The following SLC35F4 variants were observed in gnomAD, a reference collection of about 807,000 sequenced individuals.
The protein encoded by SLC35F4 is solute carrier family 35 member F4.
In SLC35F4, 24 loss-of-function variants were observed where a neutral mutation model predicts 44.2. The ratio of observed to expected loss-of-function variants is 0.54; its 90% confidence interval spans 0.39 to 0.76. The LOEUF is 0.76. Ranked by LOEUF, SLC35F4 falls within the 30% of genes least tolerant of loss-of-function variation. The pLI is 0.00. For missense variants in SLC35F4, 562 were observed against 586.1 expected (o/e 0.96, Z 0.42); for synonymous variants, 238 against 223.6 (o/e 1.06, Z -0.57).
At chr14:57,671,432 C>T (rs1006096327) in intron 1 of SLC35F4, among the ~76,000 whole-genome samples, 2 of 151,854 alleles carry the variant, frequency 1.3e-5, no homozygotes, top group Non-Finnish European at 1.5e-5. Flanking sequence ...GTTGTGAGGC[C>T]CCTGTTTCAG....
At chr14:57,630,721 G>A (rs1157280415) in intron 1 of SLC35F4, 3 of 540,826 alleles carry the variant, frequency 5.5e-6, no homozygotes, top group Non-Finnish European at 1.0e-5. Context: ...TTAGGCGTGT[G>A]TCATTCACTT....
At chr14:57,795,986 G>C (rs910320227) in intron 1 of SLC35F4, among the ~76,000 whole-genome samples, 1 of 152,016 alleles carries the variant, frequency 6.6e-6, no homozygotes, top group Non-Finnish European at 1.5e-5. Context: ...AGTGTCACTT[G>C]TTTCCTTGTG....
intron 1 of SLC35F4, among the ~76,000 whole-genome samples, chr14:57,880,371 T>C (rs956302896): frequency 2.4e-4 from 36 of 152,230 alleles, no homozygotes; most frequent in African/African-American, 8.4e-4. Context: ...CATATTCCAG[T>C]GGTCCCCTGG....
intron 2 of SLC35F4, among the ~76,000 whole-genome samples, chr14:57,592,442 G>A (rs2070250842): frequency 6.6e-6 from 1 of 152,180 alleles, no homozygotes; most frequent in East Asian, 1.9e-4. Flanking sequence ...CACAGAAAGA[G>A]TAACTTATGT....
At chr14:57,583,337 T>G (rs575606464) in intron 3 of SLC35F4, among the ~76,000 whole-genome samples, 2 of 145,822 alleles carry the variant, frequency 1.4e-5, no homozygotes, top group Admixed American at 1.4e-4. Flanking sequence ...TTGAGAGTCG[T>G]GGGTTTATCC....
At chr14:57,866,248 G>A (rs1164146617), upstream of SLC35F4, among the ~76,000 whole-genome samples, 2 of 152,190 alleles carry the variant, frequency 1.3e-5, no homozygotes, top group Non-Finnish European at 2.9e-5. Context: ...AGTGGGGCGC[G>A]AGAGGAGAAG....
chr14:57,889,282 A>G (rs965283141), intron 1 of SLC35F4, among the ~76,000 whole-genome samples: 1 of 152,220 alleles, frequency 6.6e-6, no homozygotes, highest in Non-Finnish European at 1.5e-5. Flanking sequence ...CAGCTTCCTA[A>G]ACCAGTGCCA....
intron 1 of SLC35F4, among the ~76,000 whole-genome samples, chr14:57,889,878 C>A (rs1290513015): frequency 1.3e-5 from 2 of 152,122 alleles, no homozygotes; most frequent in African/African-American, 4.8e-5. Context: ...GACAAATGTT[C>A]ATCAAGCCAC....
intron 1 of SLC35F4, among the ~76,000 whole-genome samples, chr14:57,618,082 C>G (rs551392314): frequency 5.9e-5 from 9 of 152,136 alleles, no homozygotes; most frequent in South Asian, 4.1e-4. Context: ...TCCAAGAGAA[C>G]GTCTTAAAAC....
At chr14:57,982,831 A>G (rs931187649), upstream of SLC35F4, among the ~76,000 whole-genome samples, 9 of 152,218 alleles carry the variant, frequency 5.9e-5, no homozygotes, top group African/African-American at 2.2e-4. Context: ...GAAAGTCACC[A>G]CATTGAGTAC....
At chr14:57,621,802 A>C (rs10132012) in intron 1 of SLC35F4, among the ~76,000 whole-genome samples, 86,115 of 144,002 alleles carry the variant, frequency 0.6, 28,190 homozygotes, top group Non-Finnish European at 0.74. Flanking sequence ...GCAACAAAAG[A>C]CAAAATTGAC....
chr14:57,947,908 T>C (rs1017671638), intron 1 of SLC35F4, among the ~76,000 whole-genome samples: 2 of 152,236 alleles, frequency 1.3e-5, no homozygotes, highest in Non-Finnish European at 2.9e-5. Flanking sequence ...CTTTTTGATA[T>C]GCTGTTGGAT....
chr14:57,813,893 C>T (rs541148536), intron 1 of SLC35F4, among the ~76,000 whole-genome samples: 12 of 152,250 alleles, frequency 7.9e-5, no homozygotes, highest in African/African-American at 2.9e-4. Flanking sequence ...CTTAGGTGGT[C>T]CATGCTCTGG....
chr14:57,880,066 AAGGAAGGAAGGAAGGAAG>A (rs1215232013), intron 1 of SLC35F4, among the ~76,000 whole-genome samples: 73 of 117,856 alleles, frequency 6.2e-4, no homozygotes, highest in African/African-American at 1.7e-3. Context: ...GGAAGGAAGG[AAGGAAGGAAGGAAGGAAG>A]GAAGGAAGGA....
At chr14:57,617,215 C>T (rs2071889295) in intron 1 of SLC35F4, among the ~76,000 whole-genome samples, 2 of 142,306 alleles carry the variant, frequency 1.4e-5, no homozygotes, top group Non-Finnish European at 1.5e-5. Flanking sequence ...ACTGCAACCT[C>T]CACCTCCCGG....
chr14:57,982,644 A>G (rs1170062897), upstream of SLC35F4, among the ~76,000 whole-genome samples: 1 of 152,180 alleles, frequency 6.6e-6, no homozygotes, highest in Non-Finnish European at 1.5e-5. Context: ...AATTCAGAAG[A>G]CAGGTGCTAT....
chr14:57,865,017 G>T (rs1479333925), intron 1 of SLC35F4, among the ~76,000 whole-genome samples: 1 of 151,818 alleles, frequency 6.6e-6, no homozygotes, highest in Admixed American at 6.6e-5. Context: ...TGACCGCGAC[G>T]TGCGGCGGGG....
chr14:57,870,824 A>T (rs1305680256), upstream of SLC35F4, among the ~76,000 whole-genome samples: 2 of 152,186 alleles, frequency 1.3e-5, no homozygotes, highest in Non-Finnish European at 2.9e-5. Context: ...TCACTGTGGC[A>T]ATTGCTTTTA....
At chr14:57,614,467 A>G (rs1208411103) in intron 1 of SLC35F4, among the ~76,000 whole-genome samples, 3 of 152,234 alleles carry the variant, frequency 2.0e-5, no homozygotes, top group Non-Finnish European at 4.4e-5. Flanking sequence ...AACAATGACA[A>G]ATATTTCTTT....
Sources: gnomAD v4.1 joint callset for allele counts (sites outside exome capture counted in the v4.1 genomes callset) on GRCh38, gnomAD v4.1.1 for gene constraint, MANE v1.5 for transcripts, NCBI Gene and HGNC (gene_info 2026-07-23, HGNC 2026-07-21) for gene names.